Variants in GABRR3 observed in about 807,000 individuals in gnomAD.
The protein encoded by GABRR3 is gamma-aminobutyric acid receptor subunit rho-3.
Under a neutral mutation model 43.2 loss-of-function variants are expected in GABRR3, and 29 were observed. The observed-to-expected ratio is 0.67, with a 90% CI of 0.50 to 0.92. The LOEUF is 0.92. Among genes scored for constraint, GABRR3 ranks in the 40% least tolerant of loss-of-function variants. GABRR3 has a pLI of 0.00. For missense variants in GABRR3, 576 were observed against 572.3 expected (o/e 1.01, Z -0.07); for synonymous variants, 206 against 195.9 (o/e 1.05, Z -0.43).
downstream of GABRR3, chr3:97,986,589 T>C (rs2107222104): frequency 1.2e-6 from 1 of 828,116 alleles, no homozygotes; most frequent in African/African-American, 1.7e-5. Context: ...ACTTGCTCTT[T>C]CCCAGTTCCA....
intron 9 of GABRR3, among the ~76,000 whole-genome samples, chr3:97,989,399 T>C (rs1169980167): frequency 7.0e-6 from 1 of 142,334 alleles, no homozygotes. Context: ...TAGATAGTGG[T>C]AGTGGGTGGT....
intron 7 of GABRR3, among the ~76,000 whole-genome samples, chr3:98,003,793 C>A (rs998491503): frequency 6.6e-6 from 1 of 152,110 alleles, no homozygotes; most frequent in Admixed American, 6.6e-5. Flanking sequence ...CCCTAGCTAC[C>A]ATAAAAACCC....
At chr3:97,998,565 T>A (rs1706591548) in intron 8 of GABRR3, 1 of 152,056 alleles carries the variant, frequency 6.6e-6, no homozygotes, top group Non-Finnish European at 1.5e-5. Flanking sequence ...ACTTGCTGAG[T>A]TTTGGTGTAA....
chr3:98,000,807 A>C (rs941549978), intron 8 of GABRR3: 1 of 152,134 alleles, frequency 6.6e-6, no homozygotes, highest in Admixed American at 6.5e-5. Context: ...AGCCCTGACC[A>C]GCAAAAAAGG....
At chr3:97,990,140 A>G (rs1288812824) in intron 9 of GABRR3, among the ~76,000 whole-genome samples, 1 of 152,076 alleles carries the variant, frequency 6.6e-6, no homozygotes, top group Non-Finnish European at 1.5e-5. Flanking sequence ...TCTGGGCACT[A>G]CTCACAATAA....
At chr3:97,989,272 G>T (rs1053222542) in intron 9 of GABRR3, among the ~76,000 whole-genome samples, 3 of 150,142 alleles carry the variant, frequency 2.0e-5, no homozygotes, top group Admixed American at 1.3e-4. Flanking sequence ...GGGTGGTGGG[G>T]ATGGTGGTGG....
chr3:98,032,560 A>G (rs1394016139), intron 2 of GABRR3, among the ~76,000 whole-genome samples: 1 of 152,194 alleles, frequency 6.6e-6, no homozygotes, highest in Non-Finnish European at 1.5e-5. Flanking sequence ...TTCTCTAGGT[A>G]AAAGGGGAAC....
chr3:98,003,440 G>T (rs569537416), intron 7 of GABRR3, among the ~76,000 whole-genome samples: 3 of 146,244 alleles, frequency 2.1e-5, no homozygotes, highest in African/African-American at 7.6e-5. Flanking sequence ...TTGGTGGGGT[G>T]GGGGCAGGGT....
chr3:97,990,075 A>G (rs1035616960), intron 9 of GABRR3, among the ~76,000 whole-genome samples: 2 of 152,040 alleles, frequency 1.3e-5, no homozygotes, highest in African/African-American at 4.8e-5. Flanking sequence ...ATCTCATCCT[A>G]TTGGATTTGT....
At chr3:98,008,324 A>C (rs769097913) in intron 6 of GABRR3, among the ~76,000 whole-genome samples, 1 of 152,222 alleles carries the variant, frequency 6.6e-6, no homozygotes, top group Non-Finnish European at 1.5e-5. Flanking sequence ...CCAATCTTAC[A>C]AGAAATTTTC....
chr3:97,991,688 G>A lies in GABRR3; in HGVS notation c.1104+1164C>T, dbSNP rs184221428. Among the ~76,000 whole-genome samples the A allele has an allele frequency of 5.9e-5, 9 of 152,292 alleles. No individual in the cohort carries two copies. In the East Asian group the frequency reaches 1.5e-3, roughly 26 times the overall value. Reference sequence around the variant, plus strand: ...CATTTCACTAGAACTCTGCTTCTTCGTTTATAAAATAGAGATAATAATCTC... The same window carrying A: ...CATTTCACTAGAACTCTGCTTCTTCATTTATAAAATAGAGATAATAATCTC... On this transcript the variant is annotated intron_variant, in intron 9 of 9. Transcript: ENST00000621172.
At chr3:98,009,485 C>T (rs1170450969) in intron 5 of GABRR3, among the ~76,000 whole-genome samples, 2 of 152,144 alleles carry the variant, frequency 1.3e-5, no homozygotes, top group Non-Finnish European at 1.5e-5. Context: ...CAAGTTTACC[C>T]GAGGATATTC....
At chr3:98,032,296 A>C (rs1435342068) in intron 2 of GABRR3, among the ~76,000 whole-genome samples, 1 of 152,102 alleles carries the variant, frequency 6.6e-6, no homozygotes, top group Non-Finnish European at 1.5e-5. Context: ...TTTATTTTTT[A>C]ATAATGTGTG....
intron 8 of GABRR3, among the ~76,000 whole-genome samples, chr3:97,995,494 A>T (rs1470699269): frequency 6.6e-6 from 1 of 152,192 alleles, no homozygotes; most frequent in Non-Finnish European, 1.5e-5. Flanking sequence ...GCCAGAAAGC[A>T]ATAAACTATT....
intron 5 of GABRR3, among the ~76,000 whole-genome samples, chr3:98,012,114 A>G (rs1019440182): frequency 6.6e-6 from 1 of 152,236 alleles, no homozygotes; most frequent in Non-Finnish European, 1.5e-5. Flanking sequence ...AGCTCATTCT[A>G]TTTGTCCAAT....
chr3:97,986,936 T>C (rs1485227095), exon 10 of GABRR3: 14 of 1,611,346 alleles, frequency 8.7e-6, no homozygotes, highest in Non-Finnish European at 1.1e-5. Flanking sequence ...GTAACAACCA[T>C]CAAAGGCCAT....
intron 3 of GABRR3, among the ~76,000 whole-genome samples, chr3:98,020,162 T>C (rs1706922659): frequency 6.6e-6 from 1 of 152,112 alleles, no homozygotes; most frequent in African/African-American, 2.4e-5. Context: ...AGTTCTAGCA[T>C]GAAAGTCACT....
At chr3:98,017,756 A>T in intron 3 of GABRR3, 34 bp from the exon 4 acceptor site, 4 of 1,390,228 alleles carry the variant, frequency 2.9e-6, no homozygotes, top group Non-Finnish European at 4.1e-6. Context: ...ATGCTGAGGA[A>T]TGCATTATAA....
At chr3:97,998,572 G>A (rs1171188473) in intron 8 of GABRR3, 2 of 152,112 alleles carry the variant, frequency 1.3e-5, no homozygotes, top group Non-Finnish European at 2.9e-5. Flanking sequence ...GAGTTTTGGT[G>A]TAATGTGAAG....
Sources: allele counts gnomAD v4.1 joint callset (sites outside exome capture counted in the v4.1 genomes callset), GRCh38; gene constraint gnomAD v4.1.1; transcripts MANE v1.5; gene names NCBI Gene and HGNC (gene_info 2026-07-23, HGNC 2026-07-21).